Variants in DIS3L2 observed in about 807,000 individuals in gnomAD.
The protein encoded by DIS3L2 is DIS3-like exonuclease 2.
DIS3L2 carries 34 observed loss-of-function variants against 97.5 expected under a neutral mutation model. The ratio of observed to expected loss-of-function variants is 0.35; its 90% CI spans 0.27 to 0.46. DIS3L2 has a LOEUF of 0.46. Among genes scored for constraint, DIS3L2 ranks in the 20% least tolerant of loss-of-function variants. DIS3L2 has a pLI of 1.00. For missense variants in DIS3L2, 1,038 were observed against 1,146.0 expected, an observed-to-expected ratio of 0.91 and a Z score of 1.36; for synonymous variants, 435 against 445.2, an observed-to-expected ratio of 0.98 and a Z score of 0.29.
chr2:232,288,069 T>C (rs1179665810), intron 13 of DIS3L2, among the ~76,000 whole-genome samples: 1 of 152,194 alleles, frequency 6.6e-6, no homozygotes, highest in Non-Finnish European at 1.5e-5. Flanking sequence ...TGTTGCAGGT[T>C]GAAGCCAGGG....
chr2:232,074,703 G>A (rs1185805986), intron 5 of DIS3L2, among the ~76,000 whole-genome samples: 3 of 150,804 alleles, frequency 2.0e-5, no homozygotes, highest in African/African-American at 7.3e-5. Context: ...TTCCTCCTCA[G>A]CCTCCCGAGT....
chr2:232,174,881 G>GC (rs147262962), intron 9 of DIS3L2, among the ~76,000 whole-genome samples: 6,948 of 151,574 alleles, frequency 0.046, 525 homozygotes, highest in African/African-American at 0.16. Flanking sequence ...TTGCTCTGTT[G>GC]CCAGGCTGGA....
At chr2:232,073,423 G>C (rs1342582485) in intron 5 of DIS3L2, among the ~76,000 whole-genome samples, 1 of 152,162 alleles carries the variant, frequency 6.6e-6, no homozygotes, top group Non-Finnish European at 1.5e-5. Flanking sequence ...GTGGACATGG[G>C]TATATGTGAA....
At chr2:232,335,537 C>A (rs1243533033) in intron 19 of DIS3L2, 30 of 562,636 alleles carry the variant, frequency 5.3e-5, no homozygotes, top group African/African-American at 1.9e-4. Flanking sequence ...ACTTGCCCCC[C>A]ATAGCACACA....
At chr2:232,313,226 T>C (rs1045057489) in intron 14 of DIS3L2, among the ~76,000 whole-genome samples, 5 of 152,258 alleles carry the variant, frequency 3.3e-5, no homozygotes, top group Non-Finnish European at 7.3e-5. Flanking sequence ...ATGAAAATTT[T>C]TACTGGTGTT....
chr2:232,063,776 A>G (rs1695778242), intron 5 of DIS3L2, among the ~76,000 whole-genome samples: 1 of 152,110 alleles, frequency 6.6e-6, no homozygotes, highest in African/African-American at 2.4e-5. Flanking sequence ...CTAGGTGTTG[A>G]TAGGCCAATA....
At chr2:231,976,430 G>A (rs1461042078) in intron 1 of DIS3L2, among the ~76,000 whole-genome samples, 1 of 151,928 alleles carries the variant, frequency 6.6e-6, no homozygotes, top group Non-Finnish European at 1.5e-5. Context: ...AGGAGTTCGA[G>A]ACCAACCTCG....
Position 232,014,892 on chromosome 2 carries a change from C to T in DIS3L2, c.-36C>T. ...TCTGAGCTAAGCAGTGGAGGTTTCT[C>T]TGGATCTGGAGAGAAGAGTGACCTT... On this transcript the variant is annotated 5_prime_UTR_variant, in exon 2 of 21. Coordinates refer to ENST00000325385, the MANE Select transcript of DIS3L2 (RefSeq NM_152383.5). The T allele has an allele frequency of 6.2e-7, 1 of 1,612,336 alleles. No homozygotes were observed. The highest frequency in any genetic ancestry group is 8.5e-7 in the Non-Finnish European group (1 of 1,179,108).
chr2:232,257,736 T>C (rs540164127), intron 12 of DIS3L2, among the ~76,000 whole-genome samples: 2 of 152,380 alleles, frequency 1.3e-5, no homozygotes, highest in African/African-American at 4.8e-5. Context: ...AATTTAAAGA[T>C]ACATTTGAAT....
chr2:232,218,329 G>A (rs1692401647), intron 10 of DIS3L2, among the ~76,000 whole-genome samples: 1 of 152,204 alleles, frequency 6.6e-6, no homozygotes, highest in Non-Finnish European at 1.5e-5. Flanking sequence ...ATCAGACAAA[G>A]CATTGGCAAA....
At chr2:232,082,167 A>C (rs971972296) in intron 5 of DIS3L2, among the ~76,000 whole-genome samples, 4 of 152,234 alleles carry the variant, frequency 2.6e-5, no homozygotes, top group Non-Finnish European at 5.9e-5. Flanking sequence ...TGATCTCATA[A>C]TGATCTTTTC....
At chr2:232,291,349 C>T (rs1645682018) in intron 13 of DIS3L2, among the ~76,000 whole-genome samples, 1 of 152,242 alleles carries the variant, frequency 6.6e-6, no homozygotes, top group Admixed American at 6.5e-5. Context: ...CTATTAAAAA[C>T]CAAGGCTGCA....
intron 19 of DIS3L2, chr2:232,335,424 C>T (rs1695908999): frequency 3.5e-6 from 1 of 289,644 alleles, no homozygotes; most frequent in African/African-American, 2.2e-5. Context: ...GCTGTGGGCC[C>T]AGCCCTGCCT....
chr2:232,285,858 T>C (rs1429340368), intron 13 of DIS3L2, among the ~76,000 whole-genome samples: 1 of 152,198 alleles, frequency 6.6e-6, no homozygotes, highest in African/African-American at 2.4e-5. Context: ...ACTTAAAGCC[T>C]TTGTGGGGAT....
intron 1 of DIS3L2, among the ~76,000 whole-genome samples, chr2:231,963,043 A>G (rs907085630): frequency 5.9e-5 from 9 of 152,164 alleles, no homozygotes; most frequent in African/African-American, 2.2e-4. Context: ...CCGTGAACAT[A>G]CAACTGCATA....
At chr2:232,119,258 G>C (rs927961039) in intron 6 of DIS3L2, among the ~76,000 whole-genome samples, 1 of 152,090 alleles carries the variant, frequency 6.6e-6, no homozygotes, top group Non-Finnish European at 1.5e-5. Flanking sequence ...TACTTAACTC[G>C]CTCAGATGAC....
intron 9 of DIS3L2, among the ~76,000 whole-genome samples, chr2:232,192,259 G>C (rs1223290358): frequency 2.0e-5 from 3 of 151,924 alleles, no homozygotes; most frequent in African/African-American, 7.3e-5. Flanking sequence ...TGTGAAACTT[G>C]TCCTTATTTT....
chr2:231,985,407 A>G (rs1693382697), intron 1 of DIS3L2, among the ~76,000 whole-genome samples: 1 of 152,216 alleles, frequency 6.6e-6, no homozygotes, highest in Admixed American at 6.5e-5. Flanking sequence ...GCATGTATCA[A>G]TAGTTTGTTT....
chr2:232,337,801 G>C (rs908336866), downstream of DIS3L2, among the ~76,000 whole-genome samples: 2 of 151,550 alleles, frequency 1.3e-5, no homozygotes, highest in South Asian at 2.1e-4. Flanking sequence ...AGAGTGCCTC[G>C]CAGCGACAGT....
Sources: allele counts gnomAD v4.1 joint callset (sites outside exome capture counted in the v4.1 genomes callset), GRCh38; gene constraint gnomAD v4.1.1; transcripts MANE v1.5; gene names NCBI Gene and HGNC (gene_info 2026-07-23, HGNC 2026-07-21).